Variants in LRP6 observed in about 807,000 individuals in gnomAD.
LRP6 encodes the protein low-density lipoprotein receptor-related protein 6.
A neutral mutation model predicts 184.1 loss-of-function variants in LRP6; 43 were observed. The ratio of observed to expected loss-of-function variants is 0.23; its 90% CI spans 0.18 to 0.30. The LOEUF is 0.30. LRP6 is among the 10% of genes least tolerant of loss of function. The pLI, the probability that LRP6 is intolerant of heterozygous loss-of-function variation, is 1.00. For synonymous variants in LRP6, 719 were observed against 684.9 expected, an observed-to-expected ratio of 1.05 and a Z score of -0.78; for missense variants, 1,571 against 2,005.3, an observed-to-expected ratio of 0.78 and a Z score of 4.14.
chr12:12,121,050 TC>T lies in LRP6; in HGVS notation c.*75del, dbSNP rs543764163. ...GCCTCATCCTTCTCTAATAGCTCCC[TC>T]CCCCCCTCCAGATCTCAACCAAATT... On this transcript the variant is annotated 3_prime_UTR_variant, in exon 23 of 23. Coordinates refer to ENST00000261349, the MANE Select transcript of LRP6 (RefSeq NM_002336.3). 6.8e-5 allele frequency: 91 copies of T among 1,336,808 alleles called. 1 individual carries two copies. The highest frequency in any genetic ancestry group is 2.0e-4 in the Admixed American group (8 of 39,200). 82.8% of individuals were successfully genotyped at this position (1,336,808 alleles called of 1,614,324 possible). A position where few individuals can be genotyped will look rare whatever the true frequency, so the allele number is the denominator to read the frequency against.
chr12:12,247,328 C>G (rs1403866446), intron 1 of LRP6, among the ~76,000 whole-genome samples: 3 of 152,176 alleles, frequency 2.0e-5, no homozygotes, highest in Admixed American at 6.5e-5. Flanking sequence ...TATATCAAAG[C>G]TATAGGACAT....
intron 1 of LRP6, among the ~76,000 whole-genome samples, chr12:12,250,813 G>T (rs780189095): frequency 6.6e-6 from 1 of 151,720 alleles, no homozygotes; most frequent in Non-Finnish European, 1.5e-5. Context: ...AGTAGAGGCA[G>T]GTTTCACCAT....
intron 2 of LRP6, among the ~76,000 whole-genome samples, chr12:12,204,134 A>G (rs1343421873): frequency 6.6e-6 from 1 of 152,178 alleles, no homozygotes; most frequent in Non-Finnish European, 1.5e-5. Flanking sequence ...TACAGAACAT[A>G]GTGTCTTTTA....
At chr12:12,166,251 T>C (rs756302738) in intron 7 of LRP6, among the ~76,000 whole-genome samples, 2 of 152,198 alleles carry the variant, frequency 1.3e-5, no homozygotes, top group Non-Finnish European at 2.9e-5. Context: ...ACTGGGACTC[T>C]GGAAGGCTTG....
At chr12:12,218,806 G>A (rs1451162691) in intron 2 of LRP6, among the ~76,000 whole-genome samples, 1 of 152,026 alleles carries the variant, frequency 6.6e-6, no homozygotes, top group African/African-American at 2.4e-5. Context: ...TCCAACCCAA[G>A]TGACAGAGCA....
chr12:12,259,323 A>G (rs942184748), intron 1 of LRP6, among the ~76,000 whole-genome samples: 1 of 152,152 alleles, frequency 6.6e-6, no homozygotes, highest in African/African-American at 2.4e-5. Context: ...AGTCTCATCA[A>G]TAACTTTAGG....
intron 2 of LRP6, chr12:12,211,077 T>A (rs1864196190): frequency 6.6e-6 from 1 of 152,238 alleles, no homozygotes; most frequent in Admixed American, 6.5e-5. Flanking sequence ...AAGAGGATAG[T>A]GAAAGCATTC....
Position 12,151,048 on chromosome 12 carries a change from A to T in LRP6, c.2792-10T>A. 6.2e-7 allele frequency: 1 copy of T among 1,609,518 alleles called. No individual in the cohort carries two copies. The highest frequency in any genetic ancestry group is 1.3e-5 in the African/African-American group (1 of 74,968). On this transcript the variant is annotated splice_polypyrimidine_tract_variant and intron_variant, in intron 12 of 22. Transcript: ENST00000261349. ...AGGAAAGTCGTAGGAGCTTAAAAGGAAGAAAAGAGAAAATCTGAAATCTAG... is the reference window on the plus strand; with the variant it reads ...AGGAAAGTCGTAGGAGCTTAAAAGGTAGAAAAGAGAAAATCTGAAATCTAG...
intron 8 of LRP6, 51 bp from the exon 9 acceptor site, chr12:12,164,613 T>C: frequency 6.5e-7 from 1 of 1,550,214 alleles, no homozygotes; most frequent in South Asian, 1.1e-5. Flanking sequence ...CATTGATACA[T>C]TCAACATATT....
intron 1 of LRP6, among the ~76,000 whole-genome samples, chr12:12,244,887 G>A (rs1865149203): frequency 6.6e-6 from 1 of 152,150 alleles, no homozygotes; most frequent in Non-Finnish European, 1.5e-5. Context: ...GTCTTTTCTT[G>A]TTAAAATAAC....
At chr12:12,131,770 C>A in intron 18 of LRP6, 51 bp downstream of exon 18, 3 of 1,503,758 alleles carry the variant, frequency 2.0e-6, no homozygotes, top group Non-Finnish European at 2.8e-6. Context: ...GTTTAAACAA[C>A]TGAATGGGAA....
Position 12,215,783 on chromosome 12 carries a change from G to C in LRP6, c.450-12383C>G, listed in dbSNP as rs371737013. ...TCCCAACACTTTGGGAAGCCAAGGTGGGAGGATCACCTGAGGTCAGGAGTT... is the reference window on the plus strand; with the variant it reads ...TCCCAACACTTTGGGAAGCCAAGGTCGGAGGATCACCTGAGGTCAGGAGTT... On this transcript the variant is annotated intron_variant, in intron 2 of 22. Transcript: ENST00000261349. Among the ~76,000 whole-genome samples, 49 of 151,816 alleles carry C rather than the reference G, an allele frequency of 3.2e-4. No homozygotes were observed. The East Asian group carries it at 6.9e-3, about 21-fold the overall frequency.
chr12:12,161,155 A>G (rs955344103), intron 10 of LRP6, among the ~76,000 whole-genome samples: 3 of 152,260 alleles, frequency 2.0e-5, no homozygotes, highest in Non-Finnish European at 4.4e-5. Context: ...GATCACCACA[A>G]TATGTCAGTG....
rs1042509095 is a variant in LRP6 at position 12,119,835 on chromosome 12, G to T, written c.*1291C>A. 1.3e-5 allele frequency: 2 copies of T among 151,234 alleles called. No homozygotes were observed. Among genetic ancestry groups the T allele is most frequent in the Non-Finnish European group, 2.9e-5 (2 of 67,872 alleles). 9.4% of individuals were successfully genotyped at this position (151,234 alleles called of 1,614,324 possible). ...ACACATTAGAAGAGGTATGTATGTA[G>T]ACATTATTCTGAGAAAAACCGGTCT... On this transcript the variant is annotated 3_prime_UTR_variant, in exon 23 of 23. Coordinates refer to ENST00000261349, the MANE Select transcript of LRP6 (RefSeq NM_002336.3).
intron 4 of LRP6, among the ~76,000 whole-genome samples, chr12:12,185,253 CACATAA>C (rs1863440954): frequency 6.6e-6 from 1 of 152,070 alleles, no homozygotes; most frequent in Admixed American, 6.6e-5. Context: ...GAGCCGTGAT[CACATAA>C]ACGCACAACA....
intron 2 of LRP6, among the ~76,000 whole-genome samples, chr12:12,238,224 G>GAA (rs56083767): frequency 5.3e-4 from 67 of 125,970 alleles, no homozygotes; most frequent in Non-Finnish European, 5.3e-4. Flanking sequence ...AGGTACAAAA[G>GAA]AAAAAAAAAA....
intron 2 of LRP6, among the ~76,000 whole-genome samples, 196 bp from the exon 3 acceptor site, chr12:12,203,596 C>G (rs1444717047): frequency 6.6e-6 from 1 of 152,150 alleles, no homozygotes; most frequent in Non-Finnish European, 1.5e-5. Context: ...AAAAACCCAT[C>G]TCCACTAAAA....
At chr12:12,187,956 A>G (rs892024552) in intron 3 of LRP6, among the ~76,000 whole-genome samples, 4 of 152,186 alleles carry the variant, frequency 2.6e-5, no homozygotes, top group African/African-American at 9.7e-5. Flanking sequence ...TCACGTCTGT[A>G]ATCCCAGCAC....
At chr12:12,213,277 T>C (rs894299989) in intron 2 of LRP6, among the ~76,000 whole-genome samples, 1 of 152,164 alleles carries the variant, frequency 6.6e-6, no homozygotes, top group Non-Finnish European at 1.5e-5. Flanking sequence ...TAAAATTTTA[T>C]TTTATAAAAT....
Sources: allele counts gnomAD v4.1 joint callset (sites outside exome capture counted in the v4.1 genomes callset), GRCh38; gene constraint gnomAD v4.1.1; transcripts MANE v1.5; gene names NCBI Gene and HGNC (gene_info 2026-07-23, HGNC 2026-07-21).